The following GRID2 variants were observed in gnomAD, a reference collection of about 807,000 sequenced individuals.
GRID2 encodes glutamate receptor ionotropic, delta-2.
Under a neutral mutation model 114.8 loss-of-function variants are expected in GRID2, and 33 were observed. The observed-to-expected ratio is 0.29, with a 90% CI of 0.22 to 0.38. The LOEUF (loss-of-function observed/expected upper bound fraction) is 0.38, where lower values mean the gene tolerates loss of function less well. GRID2 is among the 10% of genes least tolerant of loss of function. The pLI, the probability that GRID2 is intolerant of heterozygous loss-of-function variation, is 1.00. For missense variants in GRID2, 1,184 were observed against 1,257.7 expected, an observed-to-expected ratio of 0.94 and a Z score of 0.89; for synonymous variants, 505 against 449.9, an observed-to-expected ratio of 1.12 and a Z score of -1.55.
chr4:93,163,684 C>T (rs1255088255), intron 4 of GRID2, among the ~76,000 whole-genome samples: 1 of 150,418 alleles, frequency 6.6e-6, no homozygotes, highest in Non-Finnish European at 1.5e-5. Flanking sequence ...AAATATTTAG[C>T]CAAAAAAAGA....
intron 2 of GRID2, among the ~76,000 whole-genome samples, chr4:93,045,690 C>T (rs938792807): frequency 1.3e-5 from 2 of 152,096 alleles, no homozygotes; most frequent in African/African-American, 4.8e-5. Flanking sequence ...GGGGCCTGTC[C>T]AGCATCTTTC....
At chr4:93,428,380 A>T (rs1202140439) in intron 10 of GRID2, among the ~76,000 whole-genome samples, 1 of 152,118 alleles carries the variant, frequency 6.6e-6, no homozygotes, top group Non-Finnish European at 1.5e-5. Context: ...TTTTTTTAAA[A>T]GGCTCTATCC....
At chr4:93,573,426 G>A (rs1736120004) in intron 13 of GRID2, among the ~76,000 whole-genome samples, 1 of 152,148 alleles carries the variant, frequency 6.6e-6, no homozygotes, top group African/African-American at 2.4e-5. Context: ...TTGGTCTAAT[G>A]CAACATGACT....
At chr4:93,394,766 T>C (rs1765173033) in intron 8 of GRID2, among the ~76,000 whole-genome samples, 1 of 152,056 alleles carries the variant, frequency 6.6e-6, no homozygotes, top group African/African-American at 2.4e-5. Flanking sequence ...TCTCAAGATG[T>C]GCATTACAAC....
chr4:92,924,077 G>T (rs929991787), intron 2 of GRID2, among the ~76,000 whole-genome samples: 1 of 152,098 alleles, frequency 6.6e-6, no homozygotes, highest in Admixed American at 6.6e-5. Flanking sequence ...CCATAAAAAA[G>T]GATAAGTTCG....
Position 93,615,334 on chromosome 4 carries a change from A to T in GRID2, c.2194-10935A>T, listed in dbSNP as rs576944558. Among the ~76,000 whole-genome samples the T allele has an allele frequency of 3.3e-5, 5 of 152,314 alleles. No individual in the cohort carries two copies. In the East Asian group the frequency reaches 5.8e-4, roughly 18 times the overall value. On this transcript the variant is annotated intron_variant, in intron 13 of 15. Transcript: ENST00000282020. ...TTTTAAACACTCTGAAGCACTTTGGATGTTATTATAAGTGAAATCTCTCTT... is the reference window on the plus strand; with the variant it reads ...TTTTAAACACTCTGAAGCACTTTGGTTGTTATTATAAGTGAAATCTCTCTT...
At chr4:92,919,393 A>T (rs2149501605) in intron 2 of GRID2, among the ~76,000 whole-genome samples, 1 of 152,178 alleles carries the variant, frequency 6.6e-6, no homozygotes, top group Middle Eastern at 3.4e-3. Context: ...GCCTTCTGCT[A>T]ACTTTTGAAT....
Position 93,264,709 on chromosome 4 carries a change from G to GATATATATATATAT in GRID2, c.1245+26222_1245+26235dup, listed in dbSNP as rs70942961. On this transcript the variant is annotated intron_variant, in intron 8 of 15. Transcript: ENST00000282020. ...AAGGAGTTATGTTTGAGTTTTGAAT[G>GATATATATATATAT]ATATATATATATATATCATTTGAAT... 1.7e-3 allele frequency among the ~76,000 whole-genome samples: 223 copies of GATATATATATATAT among 132,916 alleles called. 2 individuals are homozygous for GATATATATATATAT. In the East Asian group the frequency reaches 0.017, roughly 10 times the overall value. The allele number at this position is 132,916 out of a possible 152,430, so 87.2% of individuals were successfully genotyped here. A position where few individuals can be genotyped will look rare whatever the true frequency, so the allele number is the denominator to read the frequency against.
chr4:93,593,255 G>C (rs1738606413), intron 13 of GRID2, among the ~76,000 whole-genome samples: 1 of 145,358 alleles, frequency 6.9e-6, no homozygotes, highest in Admixed American at 6.9e-5. Context: ...GCCTGGTGGT[G>C]ACAAAATCTT....
chr4:93,359,606 CTG>C (rs1761685879), intron 8 of GRID2, among the ~76,000 whole-genome samples: 1 of 151,312 alleles, frequency 6.6e-6, no homozygotes, highest in Non-Finnish European at 1.5e-5. Flanking sequence ...CCTTCTCTCT[CTG>C]TGACTATAAG....
intron 14 of GRID2, among the ~76,000 whole-genome samples, chr4:93,756,699 C>T (rs1239623372): frequency 2.0e-5 from 3 of 152,278 alleles, no homozygotes; most frequent in African/African-American, 4.8e-5. Flanking sequence ...TGGGGCTTAG[C>T]GCTTCATCAT....
At chr4:92,434,239 C>T (rs1352573829) in intron 1 of GRID2, among the ~76,000 whole-genome samples, 3 of 151,886 alleles carry the variant, frequency 2.0e-5, no homozygotes, top group Non-Finnish European at 4.4e-5. Flanking sequence ...GTTTTTTTTG[C>T]GTGTAGTCTC....
intron 2 of GRID2, among the ~76,000 whole-genome samples, chr4:93,036,869 C>A (rs1176345594): frequency 6.6e-6 from 1 of 152,106 alleles, no homozygotes; most frequent in East Asian, 1.9e-4. Context: ...TAAGCTATTT[C>A]TCCATTCTTT....
chr4:93,608,859 T>C (rs1270650136), intron 13 of GRID2, among the ~76,000 whole-genome samples: 1 of 133,436 alleles, frequency 7.5e-6, no homozygotes, highest in Non-Finnish European at 1.7e-5. Flanking sequence ...ATGGTATTTC[T>C]AGTTCTAGAT....
rs777084461 is a variant in GRID2, at chr4:92,921,352, C to A, written c.245-163643C>A. Among the ~76,000 whole-genome samples the A allele has an allele frequency of 2.0e-4, 31 of 152,174 alleles. 1 individual carries two copies. Among genetic ancestry groups the A allele is most frequent in the Admixed American group, 2.0e-4 (3 of 15,282 alleles). On this transcript the variant is annotated intron_variant, in intron 2 of 15. Coordinates refer to ENST00000282020, the MANE Select transcript of GRID2 (RefSeq NM_001510.4). ...CTGAAGCTTTCTTCTCTCAACTCGT[C>A]AAAGTCATTCTCCATCCAGCTTTGT... is the stretch of plus-strand genomic sequence containing the variant.
intron 14 of GRID2, among the ~76,000 whole-genome samples, chr4:93,691,280 G>A (rs1179781581): frequency 2.6e-5 from 4 of 151,918 alleles, no homozygotes; most frequent in Non-Finnish European, 5.9e-5. Flanking sequence ...AAATAATTAG[G>A]TTGGTTTCCT....
intron 14 of GRID2, among the ~76,000 whole-genome samples, chr4:93,765,065 C>T (rs1560986778): frequency 6.6e-6 from 1 of 152,124 alleles, no homozygotes; most frequent in East Asian, 1.9e-4. Flanking sequence ...GAACATATCT[C>T]TTTGCTTATT....
chr4:92,663,050 A>G (rs1732595640), intron 2 of GRID2, among the ~76,000 whole-genome samples: 1 of 151,102 alleles, frequency 6.6e-6, no homozygotes, highest in Non-Finnish European at 1.5e-5. Context: ...GAGATTGATT[A>G]TCATCATGCA....
intron 2 of GRID2, among the ~76,000 whole-genome samples, chr4:92,800,907 A>C (rs1206019149): frequency 6.6e-6 from 1 of 152,006 alleles, no homozygotes; most frequent in Non-Finnish European, 1.5e-5. Flanking sequence ...CCCACTTTTT[A>C]TTAACCCCTG....
Sources: gnomAD v4.1 joint callset for allele counts (sites outside exome capture counted in the v4.1 genomes callset) on GRCh38, gnomAD v4.1.1 for gene constraint, MANE v1.5 for transcripts, NCBI Gene and HGNC (gene_info 2026-07-23, HGNC 2026-07-21) for gene names.